CRADD: variants seen among roughly 807,000 people sequenced by gnomAD.
CRADD encodes the protein death domain-containing protein CRADD.
CRADD carries 9 observed loss-of-function variants against 15.5 expected under a neutral mutation model. That is an observed-to-expected ratio of 0.58 (90% CI 0.35 to 1.01). The LOEUF (loss-of-function observed/expected upper bound fraction) is 1.01. Ranked by LOEUF, CRADD falls within the 50% of genes least tolerant of loss-of-function variation. CRADD has a pLI of 0.02. For missense variants in CRADD, 227 were observed against 250.3 expected (o/e 0.91, Z 0.63); for synonymous variants, 118 against 107.6 (o/e 1.10, Z -0.60).
intron 2 of CRADD, among the ~76,000 whole-genome samples, chr12:93,753,355 A>C (rs928040502): frequency 2.0e-5 from 3 of 152,134 alleles, no homozygotes; most frequent in Admixed American, 2.0e-4. Context: ...CAGCCAAACC[A>C]TATCATTCCA....
chr12:93,794,471 C>T (rs1411911785), intron 2 of CRADD, among the ~76,000 whole-genome samples: 4 of 152,148 alleles, frequency 2.6e-5, no homozygotes, highest in Non-Finnish European at 5.9e-5. Flanking sequence ...TTAGGCATCA[C>T]CCTTGATTGC....
intron 2 of CRADD, among the ~76,000 whole-genome samples, chr12:93,690,301 CCTT>C (rs1263702740): frequency 4.6e-5 from 7 of 152,218 alleles, no homozygotes; most frequent in Non-Finnish European, 8.8e-5. Flanking sequence ...ACTGTGCCAT[CCTT>C]CTTCTTTTTG....
At chr12:93,880,528 T>C (rs779170733) in intron 2 of CRADD, among the ~76,000 whole-genome samples, 1 of 152,218 alleles carries the variant, frequency 6.6e-6, no homozygotes, top group Non-Finnish European at 1.5e-5. Flanking sequence ...TTTTTCATTT[T>C]GCTTCTTCTA....
chr12:93,743,107 A>G (rs1956701141), intron 2 of CRADD, among the ~76,000 whole-genome samples: 1 of 152,232 alleles, frequency 6.6e-6, no homozygotes, highest in Admixed American at 6.5e-5. Flanking sequence ...TATTAAATTT[A>G]ATGAATTAAT....
chr12:93,886,578 C>T (rs1958539171), intron 2 of CRADD, among the ~76,000 whole-genome samples: 1 of 152,162 alleles, frequency 6.6e-6, no homozygotes, highest in South Asian at 2.1e-4. Context: ...CAGCTGAATT[C>T]TGGAGATAGG....
intron 2 of CRADD, among the ~76,000 whole-genome samples, chr12:93,692,631 A>G (rs576091210): frequency 1.3e-5 from 2 of 152,178 alleles, no homozygotes; most frequent in Non-Finnish European, 2.9e-5. Context: ...AGCCGGCAAA[A>G]CCGTTCTTTA....
rs552788907 is a variant in CRADD at position 93,877,458 on chromosome 12, T to C, written c.299-16592T>C. On this transcript the variant is annotated intron_variant, in intron 2 of 2. Coordinates refer to the CRADD transcript ENST00000548483. ...ACACCAGGTGGGTCCAGAGGTGCTGTACAGGAGTCAGGGAATACAGTCAAA... is the reference window on the plus strand; with the variant it reads ...ACACCAGGTGGGTCCAGAGGTGCTGCACAGGAGTCAGGGAATACAGTCAAA... Among the ~76,000 whole-genome samples, 11 of 152,354 alleles carry C rather than the reference T, an allele frequency of 7.2e-5. No individual in the cohort carries two copies. In the South Asian group the frequency reaches 2.1e-3, roughly 29 times the overall value.
intron 2 of CRADD, among the ~76,000 whole-genome samples, chr12:93,733,901 A>T (rs1405390297): frequency 6.6e-6 from 1 of 151,880 alleles, no homozygotes; most frequent in African/African-American, 2.4e-5. Context: ...ACACCCTGCT[A>T]AATTTTTATA....
intron 2 of CRADD, among the ~76,000 whole-genome samples, chr12:93,836,880 G>A (rs1310791409): frequency 6.6e-6 from 1 of 152,156 alleles, no homozygotes; most frequent in Non-Finnish European, 1.5e-5. Context: ...AGTGTGTAGG[G>A]TTGGGGGCAG....
intron 2 of CRADD, among the ~76,000 whole-genome samples, chr12:93,781,111 A>G (rs182338005): frequency 1.3e-5 from 2 of 152,196 alleles, no homozygotes; most frequent in East Asian, 3.9e-4. Flanking sequence ...AAAGCCATCA[A>G]AGAGACTGCT....
In CRADD at chr12:93,734,997, A is replaced by G. The variant is rs150954812; in HGVS notation, c.298+55925A>G. On this transcript the variant is annotated intron_variant, in intron 2 of 2. Coordinates refer to ENST00000332896, the MANE Select transcript of CRADD (RefSeq NM_003805.5). ...TTTCCTTAATGACTCACCTATCACA[A>G]TCCAGGATTTTGTTGACTGTCTGCC... 6.2e-4 allele frequency among the ~76,000 whole-genome samples: 95 copies of G among 152,258 alleles called. 1 individual carries two copies. Among genetic ancestry groups the G allele is most frequent in the African/African-American group, 2.2e-3 (90 of 41,550 alleles).
chr12:93,751,591 G>T, intron 2 of CRADD, among the ~76,000 whole-genome samples: 1 of 152,154 alleles, frequency 6.6e-6, no homozygotes, highest in East Asian at 1.9e-4. Context: ...TGGGCCAGGC[G>T]TGGTGGCTCA....
chr12:93,756,399 G>C (rs1233429166), intron 2 of CRADD, among the ~76,000 whole-genome samples: 1 of 152,178 alleles, frequency 6.6e-6, no homozygotes, highest in Non-Finnish European at 1.5e-5. Context: ...TCACTAAAAG[G>C]AATAAAATTT....
At chr12:93,847,498 G>GAAAAAAAAA (rs11378030) in intron 2 of CRADD, among the ~76,000 whole-genome samples, 1 of 62,934 alleles carries the variant, frequency 1.6e-5, no homozygotes, top group Non-Finnish European at 2.9e-5. Flanking sequence ...AGCATTGCTT[G>GAAAAAAAAA]AAAAAAAAAA....
intron 2 of CRADD, among the ~76,000 whole-genome samples, chr12:93,689,430 T>C (rs1434656128): frequency 6.6e-6 from 1 of 152,184 alleles, no homozygotes; most frequent in Non-Finnish European, 1.5e-5. Context: ...ATATGATTCT[T>C]TGAGGGCATT....
intron 2 of CRADD, among the ~76,000 whole-genome samples, chr12:93,795,506 C>T (rs774775873): frequency 3.3e-5 from 5 of 152,202 alleles, no homozygotes; most frequent in Admixed American, 1.3e-4. Context: ...GCTGCTCGCA[C>T]GTCCTCTTCC....
At chr12:93,686,072 G>A (rs1393653153) in intron 2 of CRADD, among the ~76,000 whole-genome samples, 2 of 151,318 alleles carry the variant, frequency 1.3e-5, no homozygotes, top group African/African-American at 4.9e-5. Context: ...GGCTGAGGCG[G>A]GTGAATCACT....
chr12:93,695,675 G>A (rs1255593141), intron 2 of CRADD, among the ~76,000 whole-genome samples: 1 of 152,192 alleles, frequency 6.6e-6, no homozygotes, highest in Non-Finnish European at 1.5e-5. Context: ...GGCCGAGGTG[G>A]GTGGCTTGTC....
At chr12:93,813,538 T>C (rs745653439) in intron 2 of CRADD, among the ~76,000 whole-genome samples, 1 of 152,238 alleles carries the variant, frequency 6.6e-6, no homozygotes, top group African/African-American at 2.4e-5. Context: ...TATGTGTCAG[T>C]TGGAGAAATC....
Sources: allele counts gnomAD v4.1 joint callset (sites outside exome capture counted in the v4.1 genomes callset), GRCh38; gene constraint gnomAD v4.1.1; transcripts MANE v1.5; gene names NCBI Gene and HGNC (gene_info 2026-07-23, HGNC 2026-07-21).